CATSPERD: variants seen among roughly 807,000 people sequenced by gnomAD.
CATSPERD encodes catsper channel auxiliary subunit delta, also known as cation channel sperm-associated auxiliary subunit delta.
A neutral mutation model predicts 98.1 loss-of-function variants in CATSPERD; 86 were observed. That is an observed-to-expected ratio of 0.88 (90% CI 0.74 to 1.05). The LOEUF (loss-of-function observed/expected upper bound fraction) is 1.05. Among genes scored for constraint, CATSPERD ranks in the 50% least tolerant of loss-of-function variants. The pLI, the probability that CATSPERD is intolerant of heterozygous loss-of-function variation, is 0.00. For missense variants in CATSPERD, 995 were observed against 1,005.7 expected (o/e 0.99, Z 0.14); for synonymous variants, 394 against 390.2 (o/e 1.01, Z -0.12).
In CATSPERD at chr19:5,729,906, A is replaced by C. The variant is rs779611163; in HGVS notation, c.238A>C (p.Thr80Pro). Residue 80 changes from threonine (T) to proline (P), a missense_variant, in exon 4 of 22, where the codon ACT (threonine) becomes CCT (proline). By Grantham distance (38) the Thr-to-Pro change is conservative. Coordinates refer to ENST00000381624, the MANE Select transcript of CATSPERD (RefSeq NM_152784.4). ...QVFFTMDNFE[T>P]SLLPFTIPTS... ...TTTTTTCACAATGGATAACTTTGAG[A>C]CTAGTCTCCTTCCATTTACCATCCC... 15 of 1,599,574 alleles carry C rather than the reference A, an allele frequency of 9.4e-6. No homozygotes were observed. The highest frequency in any genetic ancestry group is 1.3e-5 in the African/African-American group (1 of 74,746).
chr19:5,747,437 G>C (rs2056115528), intron 9 of CATSPERD, among the ~76,000 whole-genome samples: 1 of 151,802 alleles, frequency 6.6e-6, no homozygotes, highest in Non-Finnish European at 1.5e-5. Context: ...CAAAGTTCTG[G>C]GATTACAGAT....
chr19:5,756,187 G>A (rs137939506), intron 13 of CATSPERD, among the ~76,000 whole-genome samples: 2,949 of 151,216 alleles, frequency 0.02, 41 homozygotes, highest in South Asian at 0.027. Flanking sequence ...AGGCTGACGT[G>A]GGAGAATCAC....
intron 11 of CATSPERD, among the ~76,000 whole-genome samples, chr19:5,750,798 G>A (rs1380404405): frequency 6.6e-6 from 1 of 152,004 alleles, no homozygotes; most frequent in Non-Finnish European, 1.5e-5. Context: ...TAGATCACAA[G>A]TTGTCCTTAT....
chr19:5,729,590 T>C (rs1047814302), intron 3 of CATSPERD, among the ~76,000 whole-genome samples: 1 of 152,238 alleles, frequency 6.6e-6, no homozygotes, highest in African/African-American at 2.4e-5. Context: ...TTAGTGGAAC[T>C]AGAGCCATAT....
intron 2 of CATSPERD, among the ~76,000 whole-genome samples, chr19:5,725,272 C>T (rs1248478271): frequency 6.6e-6 from 1 of 152,188 alleles, no homozygotes; most frequent in Non-Finnish European, 1.5e-5. Context: ...ATGCCTCACC[C>T]TCCCTAGTAG....
chr19:5,760,008 A>C (rs1295136533), intron 15 of CATSPERD, among the ~76,000 whole-genome samples: 1 of 131,656 alleles, frequency 7.6e-6, no homozygotes, highest in Non-Finnish European at 1.6e-5. Flanking sequence ...CAGGAGGTGG[A>C]GCTTGCAGTG....
chr19:5,763,630 G>A (rs1418417617), intron 16 of CATSPERD, among the ~76,000 whole-genome samples: 1 of 151,870 alleles, frequency 6.6e-6, no homozygotes, highest in Non-Finnish European at 1.5e-5. Context: ...TAGGATGGGG[G>A]GTGTCAGGAG....
chr19:5,750,308 C>T (rs904952755), intron 11 of CATSPERD, among the ~76,000 whole-genome samples: 22 of 149,586 alleles, frequency 1.5e-4, no homozygotes, highest in African/African-American at 3.4e-4. Context: ...AAAAATTAGC[C>T]GGGCGTGGTG....
chr19:5,721,627 C>T (rs1473357322), intron 1 of CATSPERD, among the ~76,000 whole-genome samples: 1 of 152,172 alleles, frequency 6.6e-6, no homozygotes, highest in Non-Finnish European at 1.5e-5. Flanking sequence ...TTGATGTTTA[C>T]AGGAAGATTC....
intron 4 of CATSPERD, among the ~76,000 whole-genome samples, chr19:5,731,730 C>T (rs986407567): frequency 1.8e-4 from 27 of 150,402 alleles, no homozygotes; most frequent in African/African-American, 5.6e-4. Context: ...CGCCCGCCAC[C>T]GCGCCCGGCT....
intron 6 of CATSPERD, among the ~76,000 whole-genome samples, chr19:5,738,898 T>C (rs1482007723): frequency 6.7e-6 from 1 of 148,762 alleles, no homozygotes; most frequent in African/African-American, 2.5e-5. Context: ...TGTTTTTGTT[T>C]TTGTTTTTTT....
chr19:5,736,919 T>C (rs887226005), intron 5 of CATSPERD, among the ~76,000 whole-genome samples: 19 of 151,172 alleles, frequency 1.3e-4, no homozygotes, highest in Admixed American at 9.2e-4. Context: ...TAGCCGGGCG[T>C]GGTGGTGGGT....
At chr19:5,750,171 G>T (rs1211690934) in intron 11 of CATSPERD, among the ~76,000 whole-genome samples, 1 of 149,852 alleles carries the variant, frequency 6.7e-6, no homozygotes, top group Non-Finnish European at 1.5e-5. Flanking sequence ...TATTTTGGCC[G>T]GGCGTGGTGG....
At position 5,764,228 on chromosome 19, in the gene CATSPERD, C is replaced by G. The variant is rs75185743; in HGVS notation, c.1506+935C>G. On this transcript the variant is annotated intron_variant, in intron 16 of 21. Coordinates refer to ENST00000381624, the MANE Select transcript of CATSPERD (RefSeq NM_152784.4). Reference sequence around the variant, plus strand: ...GGATTACAGGCATGAGCCCCTGCACCTGGCCAATTTTTTTTTTTTTAAGAT... The same window carrying G: ...GGATTACAGGCATGAGCCCCTGCACGTGGCCAATTTTTTTTTTTTTAAGAT... Among the ~76,000 whole-genome samples the G allele has an allele frequency of 2.9e-3, 284 of 97,804 alleles. 4 individuals carry two copies. The East Asian group carries it at 0.063, about 22-fold the overall frequency. The allele number at this position is 97,804 out of a possible 152,430, so 64.2% of individuals were successfully genotyped here.
chr19:5,759,179 T>G (rs1211378355), intron 15 of CATSPERD, 35 bp downstream of exon 15: 2 of 1,595,490 alleles, frequency 1.3e-6, no homozygotes. Context: ...GGGACTGGGC[T>G]GCCTACAGGG....
chr19:5,723,933 C>T (rs1371206512), intron 1 of CATSPERD, among the ~76,000 whole-genome samples: 1 of 151,970 alleles, frequency 6.6e-6, no homozygotes, highest in Non-Finnish European at 1.5e-5. Flanking sequence ...TGCGCCACCA[C>T]ACGCTAATTT....
Position 5,772,214 on chromosome 19 carries a change from ATTTTTTTTTTTTTT to A in CATSPERD, c.1764-556_1764-543del, listed in dbSNP as rs35847357. ...AGTTGCATACCACAATGCCCGGTTAATTTTTTTTTTTTTTTTTTTTTTTTTTTTTTTGAGACAGA... is the reference window on the plus strand; with the variant it reads ...AGTTGCATACCACAATGCCCGGTTAATTTTTTTTTTTTTTTTTGAGACAGA... On this transcript the variant is annotated intron_variant, in intron 19 of 21. Coordinates refer to ENST00000381624, the MANE Select transcript of CATSPERD (RefSeq NM_152784.4). 2.4e-3 allele frequency: 376 copies of A among 154,306 alleles called. 1 individual carries two copies. The highest frequency in any genetic ancestry group is 9.7e-3 in the East Asian group (51 of 5,284). The allele number at this position is 154,306 out of a possible 1,614,324, so 9.6% of individuals were successfully genotyped here.
chr19:5,746,152 C>G, intron 9 of CATSPERD, 89 bp downstream of exon 9: 1 of 1,408,788 alleles, frequency 7.1e-7, no homozygotes, highest in Non-Finnish European at 9.8e-7. Context: ...GGGGAAGGAG[C>G]AACCCCTCGA....
At chr19:5,727,430 G>T (rs2055626195) in intron 3 of CATSPERD, 86 bp downstream of exon 3, 2 of 1,026,632 alleles carry the variant, frequency 1.9e-6, no homozygotes, top group East Asian at 2.4e-5. Context: ...AAACAGTAAA[G>T]AAGATGGCTC....
Sources: gnomAD v4.1 joint callset for allele counts (sites outside exome capture counted in the v4.1 genomes callset) on GRCh38, gnomAD v4.1.1 for gene constraint, MANE v1.5 for transcripts, NCBI Gene and HGNC (gene_info 2026-07-23, HGNC 2026-07-21) for gene names.